Variants in KMT2C observed in about 807,000 individuals in gnomAD.
KMT2C encodes histone-lysine N-methyltransferase 2C.
A neutral mutation model predicts 507.9 loss-of-function variants in KMT2C; 88 were observed. The observed-to-expected ratio is 0.17, with a 90% CI of 0.15 to 0.21. The LOEUF (loss-of-function observed/expected upper bound fraction) is 0.21. Among genes scored for constraint, KMT2C ranks in the 10% least tolerant of loss-of-function variants. KMT2C has a pLI of 1.00. For missense variants in KMT2C, 4,954 were observed against 5,957.8 expected (o/e 0.83, Z 5.55); for synonymous variants, 2,049 against 2,080.8 (o/e 0.98, Z 0.42).
At chr7:152,357,577 G>T (rs1047919320) in intron 2 of KMT2C, among the ~76,000 whole-genome samples, 1 of 151,602 alleles carries the variant, frequency 6.6e-6, no homozygotes, top group African/African-American at 2.4e-5. Flanking sequence ...GCTTCAAAAA[G>T]ACTTTTCAGT....
chr7:152,139,257 G>A lies in KMT2C; in HGVS notation c.14463C>T (p.Asn4821=), dbSNP rs375023167. The A allele has an allele frequency of 6.9e-5, 112 of 1,613,294 alleles. 1 individual carries two copies. Among genetic ancestry groups the A allele is most frequent in the African/African-American group, 4.1e-4 (31 of 75,026 alleles). Residue 4821 remains asparagine (N), a splice_region_variant and synonymous_variant, in exon 57 of 59, where the codon AAC becomes AAT. Coordinates refer to ENST00000262189, the MANE Select transcript of KMT2C (RefSeq NM_170606.3). The part of the protein sequence containing the change: ...NRKEKLYESQ[N]RGVYMFRMDN... ...CCATGCGGAACATGTACACACCACG[G>A]TTCTGAGGGAAAAGTCAGTCAGTAA...
chr7:152,413,932 C>T (rs1410605593), intron 1 of KMT2C, among the ~76,000 whole-genome samples: 1 of 150,354 alleles, frequency 6.7e-6, no homozygotes, highest in Admixed American at 6.6e-5. Context: ...ATGTATGAGG[C>T]CAGACGCGAT....
rs2093462646 is a variant in KMT2C, at chr7:152,182,370, A to G, written c.5490T>C (p.Phe1830=). 6.2e-7 allele frequency: 1 copy of G among 1,613,416 alleles called. No homozygotes were observed. Among genetic ancestry groups the G allele is most frequent in the East Asian group, 2.2e-5 (1 of 44,876 alleles). ...TAGGGGTACTGGGTGGCTGTTTTGT[A>G]AACAGTTCTTTATGGAATGACTGTG... The part of the protein sequence containing the change: ...SPAQSFHKEL[F]TKQPPSTPTS... The change falls in exon 36 of 59, where the codon TTT becomes TTC. Residue 1830 remains phenylalanine (F), a synonymous_variant. Transcript: ENST00000262189.
At chr7:152,413,322 C>T (rs75748044) in intron 1 of KMT2C, among the ~76,000 whole-genome samples, 1 of 151,898 alleles carries the variant, frequency 6.6e-6, no homozygotes, top group Non-Finnish European at 1.5e-5. Flanking sequence ...GTTATGCTGC[C>T]CAGACTAGTT....
chr7:152,392,972 G>A (rs2097511627), intron 1 of KMT2C, among the ~76,000 whole-genome samples: 1 of 152,142 alleles, frequency 6.6e-6, no homozygotes, highest in South Asian at 2.1e-4. Context: ...GTATGCACCT[G>A]TAGTCCCAGC....
intron 51 of KMT2C, among the ~76,000 whole-genome samples, chr7:152,149,809 C>A (rs532329488): frequency 5.9e-5 from 9 of 152,236 alleles, no homozygotes; most frequent in Non-Finnish European, 1.3e-4. Context: ...AAACACCAAC[C>A]CACAGGCTGC....
intron 13 of KMT2C, among the ~76,000 whole-genome samples, 195 bp from the exon 14 acceptor site, chr7:152,248,815 A>T (rs1007666787): frequency 1.1e-4 from 16 of 152,248 alleles, no homozygotes; most frequent in African/African-American, 3.9e-4. Context: ...CAGAAAACCT[A>T]ATGAAAACAT....
chr7:152,183,883 C>A (rs2093522848), intron 34 of KMT2C, among the ~76,000 whole-genome samples: 1 of 143,638 alleles, frequency 7.0e-6, no homozygotes. Context: ...GCAACAAGAG[C>A]AAAACTCTGT....
Position 152,162,544 on chromosome 7 carries a change from G to A in KMT2C, c.11033C>T (p.Thr3678Ile). Residue 3678 changes from threonine (T) to isoleucine (I), a missense_variant, in exon 43 of 59, where the codon ACA becomes ATA. Around this residue, in one of 29 missense-constraint regions of KMT2C, gnomAD observed 801 missense variants for 751.2 expected, o/e 1.07. Transcript: ENST00000262189. ...TPNMAAGQLC[T>I]ELENKLPNSD... ...ATTGGGCAGTTTGTTCTCTAATTCT[G>A]TACATAGCTGGCCTGCTGCCATATT... is the stretch of plus-strand genomic sequence containing the variant. 1 of 1,614,210 alleles carries A rather than the reference G, an allele frequency of 6.2e-7. No individual in the cohort carries two copies. The highest frequency in any genetic ancestry group is 1.1e-5 in the South Asian group (1 of 91,084).
intron 44 of KMT2C, 81 bp downstream of exon 44, chr7:152,158,782 T>TG (rs1377623046): frequency 6.9e-6 from 9 of 1,310,540 alleles, no homozygotes; most frequent in Non-Finnish European, 9.9e-6. Context: ...CCCAAAGTGC[T>TG]GGGATTACAG....
At chr7:152,252,879 C>T (rs2095583235) in intron 9 of KMT2C, among the ~76,000 whole-genome samples, 164 bp from the exon 10 acceptor site, 1 of 150,506 alleles carries the variant, frequency 6.6e-6, no homozygotes. Flanking sequence ...TTGAGATGGA[C>T]TCTTACTCTG....
rs1353374333 is a variant in KMT2C, at chr7:152,145,134, T to C, written c.14174+19A>G. 1 of 1,612,692 alleles carries C rather than the reference T, an allele frequency of 6.2e-7. No individual in the cohort carries two copies. Among genetic ancestry groups the C allele is most frequent in the Admixed American group, 1.7e-5 (1 of 59,728 alleles). On this transcript the variant is annotated intron_variant, in intron 54 of 58. Coordinates refer to ENST00000262189, the MANE Select transcript of KMT2C (RefSeq NM_170606.3). The stretch of plus-strand genomic sequence containing the variant: ...CCTAGAAACCCTGGGCTGTACTATG[T>C]GAAGTTAAAACAAAATACCTTAACA...
rs576716353 is a variant in KMT2C at position 152,264,444 on chromosome 7, C to T, written c.1184+594G>A. Among the ~76,000 whole-genome samples, 36 of 152,266 alleles carry T rather than the reference C, an allele frequency of 2.4e-4. 1 individual carries two copies. In the East Asian group the frequency reaches 6.6e-3, roughly 28 times the overall value. ...AAATACCATAGGAAAATATAACCCC[C>T]TTACAAATTTGTAAATGCCACATAT... On this transcript the variant is annotated intron_variant, in intron 8 of 58. Transcript: ENST00000262189.
intron 4 of KMT2C, 85 bp downstream of exon 4, chr7:152,315,053 C>A: frequency 8.5e-7 from 1 of 1,172,226 alleles, no homozygotes; most frequent in South Asian, 1.4e-5. Context: ...AGAACAATCC[C>A]ATTTGAAAAT....
chr7:152,359,914 T>C (rs2097181879), intron 1 of KMT2C, among the ~76,000 whole-genome samples: 2 of 151,300 alleles, frequency 1.3e-5, no homozygotes, highest in Non-Finnish European at 2.9e-5. Context: ...CCAGGTGTTG[T>C]GGCGTGTGCC....
In KMT2C at chr7:152,416,049, T is replaced by C. The variant is rs375159549; in HGVS notation, c.161+19577A>G. ...CACACATTGCTAATGACATTACAAA[T>C]TGATGCAACCTTTTTAGGGAGTGGC... On this transcript the variant is annotated intron_variant, in intron 1 of 58. Coordinates refer to ENST00000262189, the MANE Select transcript of KMT2C (RefSeq NM_170606.3). Among the ~76,000 whole-genome samples the C allele has an allele frequency of 6.9e-4, 105 of 152,216 alleles. 1 individual carries two copies. The highest frequency in any genetic ancestry group is 4.6e-3 in the East Asian group (24 of 5,164).
intron 33 of KMT2C, 79 bp from the exon 34 acceptor site, chr7:152,185,710 G>A: frequency 2.9e-6 from 3 of 1,032,040 alleles, no homozygotes; most frequent in Non-Finnish European, 4.6e-6. Context: ...TTGATGAACT[G>A]CTGACAGTTA....
intron 6 of KMT2C, among the ~76,000 whole-genome samples, chr7:152,282,968 AGG>A (rs1484290439): frequency 6.6e-6 from 1 of 152,134 alleles, no homozygotes; most frequent in African/African-American, 2.4e-5. Flanking sequence ...TTCTATATCA[AGG>A]TTAGTATCCT....
chr7:152,393,708 T>C (rs2097518792), intron 1 of KMT2C, among the ~76,000 whole-genome samples: 1 of 152,008 alleles, frequency 6.6e-6, no homozygotes, highest in Non-Finnish European at 1.5e-5. Flanking sequence ...GCCTGACCAA[T>C]AGAGAGAAAC....
Sources: allele counts gnomAD v4.1 joint callset (sites outside exome capture counted in the v4.1 genomes callset), GRCh38; gene constraint gnomAD v4.1.1; regional missense constraint gnomAD v4.1.1; transcripts MANE v1.5; gene names NCBI Gene and HGNC (gene_info 2026-07-23, HGNC 2026-07-21).